The following FAT3 variants were observed in gnomAD, a reference collection of about 807,000 sequenced individuals.
The protein encoded by FAT3 is FAT atypical cadherin 3.
A neutral mutation model predicts 310.2 loss-of-function variants in FAT3; 95 were observed. The ratio of observed to expected loss-of-function variants is 0.31; its 90% CI spans 0.26 to 0.36. The LOEUF (loss-of-function observed/expected upper bound fraction) is 0.36. Ranked by LOEUF, FAT3 falls within the 10% of genes least tolerant of loss-of-function variation. The pLI, the probability that FAT3 is intolerant of heterozygous loss-of-function variation, is 1.00. For missense variants in FAT3, 5,408 were observed against 5,715.6 expected (o/e 0.95, Z 1.74); for synonymous variants, 2,314 against 2,192.9 (o/e 1.06, Z -1.54).
intron 3 of FAT3, among the ~76,000 whole-genome samples, chr11:92,639,879 A>G (rs1469565659): frequency 6.6e-6 from 1 of 152,174 alleles, no homozygotes; most frequent in Non-Finnish European, 1.5e-5. Flanking sequence ...ATCACCTTAC[A>G]GGAAAGGGCC....
At chr11:92,485,575 A>C (rs1952355607) in intron 2 of FAT3, among the ~76,000 whole-genome samples, 1 of 152,190 alleles carries the variant, frequency 6.6e-6, no homozygotes, top group South Asian at 2.1e-4. Flanking sequence ...CCTAAATACC[A>C]AGTTAGTGTC....
chr11:92,352,826 G>C lies in FAT3; in HGVS notation c.714G>C (p.Met238Ile). The C allele has an allele frequency of 1.2e-6, 2 of 1,613,938 alleles. No individual in the cohort carries two copies. Among genetic ancestry groups the C allele is most frequent in the South Asian group, 1.1e-5 (1 of 91,090 alleles). Residue 238 changes from methionine to isoleucine, a missense_variant, in exon 2 of 28, where the codon ATG (methionine) becomes ATC (isoleucine). By Grantham distance (10) the Met-to-Ile change is conservative. Around this residue, in one of 5 missense-constraint regions of FAT3, gnomAD observed 4,588 missense variants for 4,809.8 expected, o/e 0.95. Coordinates refer to ENST00000525166, the MANE Select transcript of FAT3 (RefSeq NM_001367949.2). ...AAATTTTGGCTGTGGACCGGGGAAT[G>C]AAACTGTATGGGAACAATGGAGTGA... ...DLEILAVDRG[M>I]KLYGNNGVSS... is the part of the protein sequence containing the mutation.
intron 3 of FAT3, among the ~76,000 whole-genome samples, chr11:92,649,759 G>T (rs1191080392): frequency 6.6e-6 from 1 of 151,834 alleles, no homozygotes; most frequent in African/African-American, 2.4e-5. Flanking sequence ...TTATGTCAGC[G>T]ATCTAGATAT....
chr11:92,457,696 C>T (rs1027051411), intron 2 of FAT3, among the ~76,000 whole-genome samples: 12 of 151,966 alleles, frequency 7.9e-5, no homozygotes, highest in South Asian at 6.2e-4. Context: ...CTGAGGCGGG[C>T]GGATCGCCTG....
In FAT3 at chr11:92,800,860, G is replaced by C. The variant is rs2136187768; in HGVS notation, c.7847G>C (p.Gly2616Ala). 1 of 1,613,380 alleles carries C rather than the reference G, an allele frequency of 6.2e-7. No individual in the cohort carries two copies. Among genetic ancestry groups the C allele is most frequent in the Middle Eastern group, 1.7e-4 (1 of 6,060 alleles). Residue 2616 changes from glycine to alanine, a missense_variant, in exon 10 of 28, where the codon GGC (glycine) becomes GCC (alanine). This residue lies in a region of FAT3 where 4,588 missense variants were observed against 4,809.8 expected (regional missense o/e 0.95). Coordinates refer to ENST00000525166, the MANE Select transcript of FAT3 (RefSeq NM_001367949.2). ...AGTGTCAGGGCAGATGTTGGAAGGG[G>C]CCACTTGGTCACTCAAGTTCAAGCC... Reference protein sequence around the residue: ...RASVRADVGRGHLVTQVQAID... With the variant: ...RASVRADVGRAHLVTQVQAID...
intron 1 of FAT3, among the ~76,000 whole-genome samples, chr11:92,309,753 T>G (rs1947248225): frequency 6.6e-6 from 1 of 152,152 alleles, no homozygotes; most frequent in South Asian, 2.1e-4. Context: ...AGGAGCCCAC[T>G]GAGAAATGTG....
chr11:92,821,513 T>C (rs564526817), intron 13 of FAT3, among the ~76,000 whole-genome samples: 6 of 152,202 alleles, frequency 3.9e-5, no homozygotes, highest in African/African-American at 7.2e-5. Flanking sequence ...GCTAAGGGAC[T>C]ATTAAAATGT....
At chr11:92,756,757 A>G (rs1309137357) in intron 4 of FAT3, among the ~76,000 whole-genome samples, 1 of 152,000 alleles carries the variant, frequency 6.6e-6, no homozygotes, top group Non-Finnish European at 1.5e-5. Context: ...CATAACTTCA[A>G]AATTCTCAGT....
At chr11:92,299,409 A>G (rs566700680) in intron 1 of FAT3, among the ~76,000 whole-genome samples, 50 of 152,142 alleles carry the variant, frequency 3.3e-4, no homozygotes, top group Non-Finnish European at 7.1e-4. Flanking sequence ...TCTAGATAAT[A>G]GGTGCAGTAA....
At chr11:92,634,803 C>T (rs1941695408) in intron 3 of FAT3, among the ~76,000 whole-genome samples, 1 of 152,206 alleles carries the variant, frequency 6.6e-6, no homozygotes. Context: ...GCCGAGCCCC[C>T]AGTGTGGCTG....
chr11:92,426,814 C>G (rs1950644639), intron 2 of FAT3, among the ~76,000 whole-genome samples: 2 of 152,194 alleles, frequency 1.3e-5, no homozygotes, highest in Non-Finnish European at 2.9e-5. Flanking sequence ...TAGCATGATG[C>G]CTCCAGCTTC....
intron 2 of FAT3, among the ~76,000 whole-genome samples, chr11:92,470,677 G>A (rs188557755): frequency 1.0e-3 from 152 of 152,250 alleles, no homozygotes; most frequent in African/African-American, 3.5e-3. Context: ...TTTTCTGTGG[G>A]TTTGGCTGAA....
intron 2 of FAT3, among the ~76,000 whole-genome samples, chr11:92,451,037 T>C (rs1951339986): frequency 6.7e-6 from 1 of 148,670 alleles, no homozygotes; most frequent in Admixed American, 6.6e-5. Context: ...AAGGTGATTC[T>C]TTTTTTTTCC....
chr11:92,312,615 A>G (rs1437769317), intron 1 of FAT3, among the ~76,000 whole-genome samples: 1 of 152,208 alleles, frequency 6.6e-6, no homozygotes, highest in African/African-American at 2.4e-5. Flanking sequence ...CCTCAAAGTG[A>G]TATATGGAGA....
chr11:92,744,314 TAC>T (rs956778418), intron 4 of FAT3, among the ~76,000 whole-genome samples: 2 of 152,236 alleles, frequency 1.3e-5, no homozygotes, highest in Admixed American at 6.5e-5. Flanking sequence ...TTCCAAGAGT[TAC>T]AGTTTTATCT....
intron 3 of FAT3, among the ~76,000 whole-genome samples, chr11:92,692,815 C>A (rs1943833397): frequency 6.6e-6 from 1 of 152,172 alleles, no homozygotes; most frequent in Non-Finnish European, 1.5e-5. Flanking sequence ...AAATACCAAA[C>A]CCAGCTTCCA....
intron 1 of FAT3, among the ~76,000 whole-genome samples, chr11:92,325,025 A>G (rs1947727995): frequency 6.6e-6 from 1 of 152,228 alleles, no homozygotes; most frequent in Non-Finnish European, 1.5e-5. Context: ...ACCCGTTTCA[A>G]ACATGCTAGT....
Position 92,891,371 on chromosome 11 carries a change from CAA to C in FAT3, c.*260_*261del, listed in dbSNP as rs1565685516. On this transcript the variant is annotated 3_prime_UTR_variant, in exon 28 of 28. Transcript: ENST00000525166. ...GTACCTATGTTCACAGCTAAAAATG[CAA>C]AGAGGGAAAAATTATTTCACCCACT... 3.9e-6 allele frequency: 2 copies of C among 513,272 alleles called. No individual in the cohort carries two copies. The highest frequency in any genetic ancestry group is 2.1e-5 in the South Asian group (1 of 47,374). The allele number at this position is 513,272 out of a possible 1,614,324, so 31.8% of individuals were successfully genotyped here. A position where few individuals can be genotyped will look rare whatever the true frequency, so the allele number is the denominator to read the frequency against.
chr11:92,452,979 G>A (rs573931056), intron 2 of FAT3, among the ~76,000 whole-genome samples: 1 of 152,106 alleles, frequency 6.6e-6, no homozygotes, highest in South Asian at 2.1e-4. Flanking sequence ...TCACCATGTT[G>A]CCCAGGCTGA....
Sources: gnomAD v4.1 joint callset for allele counts (sites outside exome capture counted in the v4.1 genomes callset) on GRCh38, gnomAD v4.1.1 for gene constraint, gnomAD v4.1.1 regional missense constraint, MANE v1.5 for transcripts, NCBI Gene and HGNC (gene_info 2026-07-23, HGNC 2026-07-21) for gene names.